Variants in NLE1 observed in about 807,000 individuals in gnomAD.
The protein encoded by NLE1 is notchless homolog 1.
In NLE1, 37 loss-of-function variants were observed where a neutral mutation model predicts 62.8. The observed-to-expected ratio is 0.59, with a 90% CI of 0.45 to 0.78. The LOEUF (loss-of-function observed/expected upper bound fraction) is 0.78, where lower values mean the gene tolerates loss of function less well. Among genes scored for constraint, NLE1 ranks in the 30% least tolerant of loss-of-function variants. The pLI, the probability that NLE1 is intolerant of heterozygous loss-of-function variation, is 0.00. For synonymous variants in NLE1, 243 were observed against 253.0 expected (o/e 0.96, Z 0.37); for missense variants, 555 against 637.9 (o/e 0.87, Z 1.40).
chr17:35,141,307 G>A (rs2142511372), intron 2 of NLE1, among the ~76,000 whole-genome samples: 1 of 152,284 alleles, frequency 6.6e-6, no homozygotes, highest in South Asian at 2.1e-4. Context: ...CCAGCACTTT[G>A]GAGGCCAAGG....
chr17:35,140,138 C>T, intron 2 of NLE1, 72 bp from the exon 3 acceptor site: 1 of 1,541,762 alleles, frequency 6.5e-7, no homozygotes, highest in South Asian at 1.2e-5. Flanking sequence ...GGGATGCTCC[C>T]CACTGAGCTG....
intron 10 of NLE1, among the ~76,000 whole-genome samples, chr17:35,133,917 CCTCT>C (rs1465231355): frequency 6.6e-6 from 1 of 152,156 alleles, no homozygotes; most frequent in African/African-American, 2.4e-5. Context: ...AACCATCAGG[CCTCT>C]CTGAGACTCA....
chr17:35,141,124 T>TA (rs1402478602), intron 2 of NLE1, among the ~76,000 whole-genome samples: 2 of 152,212 alleles, frequency 1.3e-5, no homozygotes, highest in East Asian at 1.9e-4. Flanking sequence ...AAACGCCTGT[T>TA]AAAAAATGTA....
intron 9 of NLE1, 70 bp downstream of exon 9, chr17:35,136,099 T>G: frequency 1.3e-6 from 2 of 1,507,044 alleles, no homozygotes; most frequent in Non-Finnish European, 1.8e-6. Flanking sequence ...GAGAAGGGTC[T>G]GAGAGGGTTT....
chr17:35,132,337 G>A lies in NLE1; in HGVS notation c.*100C>T, dbSNP rs1011240348. On this transcript the variant is annotated 3_prime_UTR_variant, in exon 13 of 13. Coordinates refer to ENST00000442241, the MANE Select transcript of NLE1 (RefSeq NM_018096.5). ...GCATTCTCAGGTCCCCACTGGTGGGGAGGGTGTGTGCACTGCCATCTCAGC... is the reference window on the plus strand; with the variant it reads ...GCATTCTCAGGTCCCCACTGGTGGGAAGGGTGTGTGCACTGCCATCTCAGC... 3 of 1,067,940 alleles carry A rather than the reference G, an allele frequency of 2.8e-6. No individual in the cohort carries two copies. The highest frequency in any genetic ancestry group is 3.8e-6 in the Non-Finnish European group (3 of 786,336). The allele number at this position is 1,067,940 out of a possible 1,614,324, so 66.2% of individuals were successfully genotyped here. A position where few individuals can be genotyped will look rare whatever the true frequency, so the allele number is the denominator to read the frequency against.
chr17:35,139,195 A>G, intron 4 of NLE1, 40 bp downstream of exon 4: 1 of 1,576,104 alleles, frequency 6.3e-7, no homozygotes, highest in South Asian at 1.1e-5. Flanking sequence ...CTTGTCTCAA[A>G]AAAAAAGAAG....
chr17:35,134,021 C>G lies in NLE1; in HGVS notation c.1215-523G>C, dbSNP rs79974563. Among the ~76,000 whole-genome samples, 928 of 152,338 alleles carry G rather than the reference C, an allele frequency of 6.1e-3. 37 individuals are homozygous for G. The East Asian group carries it at 0.11, about 18-fold the overall frequency. ...GACGTCACTAACGCAGAGGTCCCCCCTTCAGCCCTAACAAGGTTTCCCTGG... is the reference window on the plus strand; with the variant it reads ...GACGTCACTAACGCAGAGGTCCCCCGTTCAGCCCTAACAAGGTTTCCCTGG... On this transcript the variant is annotated intron_variant, in intron 10 of 12. Transcript: ENST00000442241.
rs970253188 is a variant in NLE1, at chr17:35,132,089, T to C, written c.*348A>G. On this transcript the variant is annotated 3_prime_UTR_variant, in exon 13 of 13. Transcript: ENST00000442241. ...AAAACTTAAGTTACTTATTTGGTCA[T>C]AGAACCTGGGATCTGACCCTGTACA... 17 of 216,000 alleles carry C rather than the reference T, an allele frequency of 7.9e-5. No homozygotes were observed. The highest frequency in any genetic ancestry group is 3.7e-4 in the African/African-American group (16 of 43,730). 13.4% of individuals were successfully genotyped at this position (216,000 alleles called of 1,614,324 possible). A position where few individuals can be genotyped will look rare whatever the true frequency, so the allele number is the denominator to read the frequency against.
chr17:35,133,104 G>T, intron 12 of NLE1, 67 bp downstream of exon 12: 2 of 1,429,276 alleles, frequency 1.4e-6, no homozygotes, highest in Middle Eastern at 1.7e-4. Context: ...GTAAGGGAAA[G>T]TGTGCACAGA....
intron 8 of NLE1, 66 bp from the exon 9 acceptor site, chr17:35,136,281 A>C (rs756680386): frequency 1.5e-4 from 236 of 1,612,508 alleles, no homozygotes; most frequent in Non-Finnish European, 1.9e-4. Flanking sequence ...AATCCAACAC[A>C]AAGAGCAAAC....
In NLE1 at chr17:35,129,535, G is replaced by T; in HGVS notation, c.*2902C>A. 6.2e-7 allele frequency: 1 copy of T among 1,614,196 alleles called. No homozygotes were observed. The highest frequency in any genetic ancestry group is 1.1e-5 in the South Asian group (1 of 91,086). On this transcript the variant is annotated 3_prime_UTR_variant, in exon 13 of 13. Transcript: ENST00000442241. Reference sequence around the variant, plus strand: ...TGCCCGAGGCAAAGAATCGTCCATGGATCTTCAACAAGATTTTGGGCACTA... The same window carrying T: ...TGCCCGAGGCAAAGAATCGTCCATGTATCTTCAACAAGATTTTGGGCACTA...
Position 35,129,012 on chromosome 17 carries a change from T to C in NLE1, c.*3425A>G, listed in dbSNP as rs1414511323. 3 of 185,030 alleles carry C rather than the reference T, an allele frequency of 1.6e-5. No homozygotes were observed. Among genetic ancestry groups the C allele is most frequent in the Non-Finnish European group, 3.5e-5 (3 of 86,824 alleles). 11.5% of individuals were successfully genotyped at this position (185,030 alleles called of 1,614,324 possible). On this transcript the variant is annotated 3_prime_UTR_variant, in exon 13 of 13. Transcript: ENST00000442241. ...TGGGAATCTAATGCCTCTGCTGATC[T>C]GACAGGAGGCAGAGCTCAGGTGGTA... is the stretch of plus-strand genomic sequence containing the variant.
Position 35,142,103 on chromosome 17 carries a change from T to C in NLE1, c.38A>G (p.Asp13Gly). 1 of 1,612,002 alleles carries C rather than the reference T, an allele frequency of 6.2e-7. No individual in the cohort carries two copies. The highest frequency in any genetic ancestry group is 8.5e-7 in the Non-Finnish European group (1 of 1,179,688). Residue 13 changes from aspartate to glycine, a missense_variant, in exon 2 of 13, where the codon GAT becomes GGT. Coordinates refer to ENST00000442241, the MANE Select transcript of NLE1 (RefSeq NM_018096.5). ...GAACTGCACTAGCAACCGCTGCACA[T>C]CGCGCGCCACCGCCTCGTCCTGCGC... ...AAVPDEAVARDVQRLLVQFQD... is the reference protein window; with the variant it reads ...AAVPDEAVARGVQRLLVQFQD...
Position 35,139,275 on chromosome 17 carries a change from G to A in NLE1, c.420C>T (p.Phe140=). 6.2e-7 allele frequency: 1 copy of A among 1,614,106 alleles called. No homozygotes were observed. Residue 140 remains phenylalanine (F), a synonymous_variant, in exon 4 of 13, where the codon TTC becomes TTT. Coordinates refer to ENST00000442241, the MANE Select transcript of NLE1 (RefSeq NM_018096.5). ...ASGSGDTTVR[F]WDLSTETPHF... Reference sequence around the variant, plus strand: ...GTGGTGTCTCTGTGCTGAGATCCCAGAAGCGCACGGTGGTGTCTCCAGAGC... The same window carrying A: ...GTGGTGTCTCTGTGCTGAGATCCCAAAAGCGCACGGTGGTGTCTCCAGAGC...
intron 6 of NLE1, 56 bp from the exon 7 acceptor site, chr17:35,137,249 T>C (rs1029380860): frequency 3.4e-6 from 5 of 1,467,258 alleles, no homozygotes; most frequent in African/African-American, 1.4e-5. Flanking sequence ...TGTGTGCCCA[T>C]GGCACCTCCC....
rs573277870 is a variant in NLE1 at position 35,129,980 on chromosome 17, G to C, written c.*2457C>G. ...GGCTGGGAAGTCAAGGGCATTGAAAGAAATAGGGAAGACAAGAGGCTAAAG... is the reference window on the plus strand; with the variant it reads ...GGCTGGGAAGTCAAGGGCATTGAAACAAATAGGGAAGACAAGAGGCTAAAG... On this transcript the variant is annotated 3_prime_UTR_variant, in exon 13 of 13. Transcript: ENST00000442241. 7.3e-7 allele frequency: 1 copy of C among 1,372,790 alleles called. No individual in the cohort carries two copies. Among genetic ancestry groups the C allele is most frequent in the Non-Finnish European group, 9.4e-7 (1 of 1,064,064 alleles). The allele number at this position is 1,372,790 out of a possible 1,614,324, so 85.0% of individuals were successfully genotyped here. A position where few individuals can be genotyped will look rare whatever the true frequency, so the allele number is the denominator to read the frequency against.
Position 35,139,887 on chromosome 17 carries a change from A to T in NLE1, c.342T>A (p.Ser114Arg). The T allele has an allele frequency of 6.2e-7, 1 of 1,613,862 alleles. No homozygotes were observed. The highest frequency in any genetic ancestry group is 8.5e-7 in the Non-Finnish European group (1 of 1,180,012). Residue 114 changes from serine to arginine, a missense_variant, in exon 3 of 13, where the codon AGT becomes AGA. Physicochemically the swap from Ser to Arg is moderately radical, Grantham distance 110 (BLOSUM62 -1). Transcript: ENST00000442241. The stretch of plus-strand genomic sequence containing the variant: ...TGAAGGCCACAGAAATGACTGCCTC[A>T]CTGTGACCCTCCAAGGAGCTGGTGC... ...TRCTSSLEGH[S>R]EAVISVAFSP...
At position 35,133,037 on chromosome 17, in the gene NLE1, C is replaced by A. The variant is rs547705758; in HGVS notation, c.1445+134G>T. On this transcript the variant is annotated intron_variant, in intron 12 of 12. Transcript: ENST00000442241. ...CCACTTGCCCACTGAGAATCTGGCT[C>A]CACACGCCTCCTCAAGACAGTCTGA... 168 of 858,112 alleles carry A rather than the reference C, an allele frequency of 2.0e-4. No individual in the cohort carries two copies. In the South Asian group the frequency reaches 2.2e-3, roughly 11 times the overall value. 53.2% of individuals were successfully genotyped at this position (858,112 alleles called of 1,614,324 possible). A position where few individuals can be genotyped will look rare whatever the true frequency, so the allele number is the denominator to read the frequency against.
Position 35,129,296 on chromosome 17 carries a change from T to G in NLE1, c.*3141A>C. On this transcript the variant is annotated 3_prime_UTR_variant, in exon 13 of 13. Coordinates refer to ENST00000442241, the MANE Select transcript of NLE1 (RefSeq NM_018096.5). ...GCTGCAGTACCTTGCACCTTCCATC[T>G]GACCTGCCTGGGCCCCAGCAGGAGC... 7.9e-7 allele frequency: 1 copy of G among 1,263,650 alleles called. No homozygotes were observed. The highest frequency in any genetic ancestry group is 1.1e-6 in the Non-Finnish European group (1 of 904,780). The allele number at this position is 1,263,650 out of a possible 1,614,324, so 78.3% of individuals were successfully genotyped here.
Sources: gnomAD v4.1 joint callset for allele counts (sites outside exome capture counted in the v4.1 genomes callset) on GRCh38, gnomAD v4.1.1 for gene constraint, MANE v1.5 for transcripts, NCBI Gene and HGNC (gene_info 2026-07-23, HGNC 2026-07-21) for gene names.